FHIT: variants seen among roughly 807,000 people sequenced by gnomAD.
FHIT encodes the protein bis(5'-adenosyl)-triphosphatase.
Under a neutral mutation model 17.9 loss-of-function variants are expected in FHIT, and 19 were observed. The ratio of observed to expected loss-of-function variants is 1.06; its 90% CI spans 0.74 to 1.56. The LOEUF (loss-of-function observed/expected upper bound fraction) is 1.56, where lower values mean the gene tolerates loss of function less well. FHIT is among the 40% of genes most tolerant of loss of function. The pLI is 0.00. For missense variants in FHIT, 248 were observed against 189.2 expected, an observed-to-expected ratio of 1.31 and a Z score of -1.82; for synonymous variants, 81 against 69.7, an observed-to-expected ratio of 1.16 and a Z score of -0.81.
chr3:59,956,584 C>T (rs935017159), intron 7 of FHIT, among the ~76,000 whole-genome samples: 1 of 152,114 alleles, frequency 6.6e-6, no homozygotes, highest in Non-Finnish European at 1.5e-5. Flanking sequence ...AGGAGAATTG[C>T]TTGAACCCGG....
At chr3:61,018,568 TAACAGC>T (rs1365092234) in intron 3 of FHIT, among the ~76,000 whole-genome samples, 1 of 152,120 alleles carries the variant, frequency 6.6e-6, no homozygotes, top group Admixed American at 6.5e-5. Context: ...TGCCCACAAG[TAACAGC>T]CTGTGCAGAA....
rs920568103 is a variant in FHIT, at chr3:60,395,398, C to T, written c.103+141462G>A. 5.9e-5 allele frequency among the ~76,000 whole-genome samples: 9 copies of T among 152,194 alleles called. No individual in the cohort carries two copies. In the South Asian group the frequency reaches 8.3e-4, roughly 14 times the overall value. On this transcript the variant is annotated intron_variant, in intron 5 of 9. Coordinates refer to ENST00000492590, the MANE Select transcript of FHIT (RefSeq NM_002012.4). ...AAAGTTTAAAATCCTTGTTCAAAGG[C>T]ACCCAGCTTTTAGGCGGTATGAATT...
chr3:60,130,319 C>T (rs1392953929), intron 5 of FHIT, among the ~76,000 whole-genome samples: 1 of 152,150 alleles, frequency 6.6e-6, no homozygotes, highest in Non-Finnish European at 1.5e-5. Context: ...TATCAGTTAA[C>T]ATTTATTGTG....
chr3:60,360,004 T>TC (rs145134702), intron 5 of FHIT, among the ~76,000 whole-genome samples: 1 of 150,856 alleles, frequency 6.6e-6, no homozygotes, highest in Non-Finnish European at 1.5e-5. Context: ...TTTCTTTTTT[T>TC]TTTTTTCATT....
At position 60,439,945 on chromosome 3, in the gene FHIT, T is replaced by G. The variant is rs936413025; in HGVS notation, c.103+96915A>C. On this transcript the variant is annotated intron_variant, in intron 5 of 9. Transcript: ENST00000492590. ...TATGTTCATGCTGCGTTCCATCATG[T>G]TTCCAATCCTTTACTCTTTCTCACC... Among the ~76,000 whole-genome samples the G allele has an allele frequency of 3.9e-5, 6 of 152,164 alleles. No individual in the cohort carries two copies. The East Asian group carries it at 1.2e-3, about 30-fold the overall frequency.
intron 5 of FHIT, among the ~76,000 whole-genome samples, chr3:60,388,882 C>T (rs537667910): frequency 1.3e-5 from 2 of 151,990 alleles, no homozygotes; most frequent in Non-Finnish European, 2.9e-5. Flanking sequence ...ACAGAGGGCT[C>T]GTAAAGTTAG....
intron 5 of FHIT, among the ~76,000 whole-genome samples, chr3:60,118,912 T>C (rs1357717266): frequency 6.7e-6 from 1 of 149,814 alleles, no homozygotes; most frequent in Non-Finnish European, 1.5e-5. Flanking sequence ...TCCCAGCTAC[T>C]AGGGAGGCTG....
intron 5 of FHIT, among the ~76,000 whole-genome samples, chr3:60,076,414 T>C (rs1051329781): frequency 5.9e-5 from 9 of 152,102 alleles, no homozygotes; most frequent in Admixed American, 3.3e-4. Context: ...ATTATTCATA[T>C]TGTCTTCCTG....
rs2037407161 is a variant in FHIT at position 60,572,197 on chromosome 3, AAGGCAGTAC to A, written c.-17-35227_-17-35219del. ...AAGTTGATGCAATATCTCCAATATC[AAGGCAGTAC>A]AGACTGCTTTGAAACTGATATTCTT... On this transcript the variant is annotated intron_variant, in intron 4 of 9. Transcript: ENST00000492590. Among the ~76,000 whole-genome samples the A allele has an allele frequency of 2.0e-5, 3 of 152,302 alleles. No individual in the cohort carries two copies. The South Asian group carries it at 6.2e-4, about 32-fold the overall frequency.
intron 5 of FHIT, among the ~76,000 whole-genome samples, chr3:60,512,551 C>T (rs960702214): frequency 2.0e-5 from 3 of 151,832 alleles, no homozygotes; most frequent in African/African-American, 7.3e-5. Flanking sequence ...CATTATCACC[C>T]CACTATATAA....
At chr3:60,555,580 G>A (rs1037609932) in intron 4 of FHIT, among the ~76,000 whole-genome samples, 1 of 152,136 alleles carries the variant, frequency 6.6e-6, no homozygotes, top group Non-Finnish European at 1.5e-5. Flanking sequence ...AATGACAATG[G>A]CAGTTTTCTC....
At chr3:60,487,532 C>G (rs9861820) in intron 5 of FHIT, among the ~76,000 whole-genome samples, 14,642 of 152,182 alleles carry the variant, frequency 0.096, 1,121 homozygotes, top group East Asian at 0.39. Flanking sequence ...ATGGTTTGAA[C>G]AAAATGCAGA....
intron 5 of FHIT, among the ~76,000 whole-genome samples, chr3:60,325,930 T>C (rs921711680): frequency 6.6e-6 from 1 of 152,228 alleles, no homozygotes; most frequent in African/African-American, 2.4e-5. Context: ...ACCGACGTGA[T>C]GGCAGGGATC....
intron 5 of FHIT, among the ~76,000 whole-genome samples, chr3:60,135,283 T>C (rs535953787): frequency 6.6e-5 from 10 of 152,188 alleles, no homozygotes; most frequent in African/African-American, 1.9e-4. Context: ...TAAAATGCCT[T>C]CAGGGACCAG....
intron 7 of FHIT, among the ~76,000 whole-genome samples, chr3:59,932,075 G>T (rs1214655202): frequency 6.6e-6 from 1 of 152,114 alleles, no homozygotes; most frequent in Non-Finnish European, 1.5e-5. Context: ...AGCTCACAAG[G>T]TGGAAATCAT....
rs9851716 is a variant in FHIT, at chr3:60,997,223, G to A, written c.-111+44824C>T. On this transcript the variant is annotated intron_variant, in intron 3 of 9. Transcript: ENST00000492590. Reference sequence around the variant, plus strand: ...CATGTGGCAGAATCCCTGCCCTTGGGTGCCTTACCCTCTCCTTCATACAGC... The same window carrying A: ...CATGTGGCAGAATCCCTGCCCTTGGATGCCTTACCCTCTCCTTCATACAGC... 2.6e-3 allele frequency among the ~76,000 whole-genome samples: 395 copies of A among 152,268 alleles called. 2 individuals carry two copies. Among genetic ancestry groups the A allele is most frequent in the Middle Eastern group, 0.024 (7 of 294 alleles).
At chr3:60,804,630 G>T (rs781925944) in intron 4 of FHIT, among the ~76,000 whole-genome samples, 61 of 152,220 alleles carry the variant, frequency 4.0e-4, no homozygotes, top group Non-Finnish European at 6.2e-4. Flanking sequence ...AAAGCTCTTT[G>T]AGTCTGAGAT....
Position 60,077,729 on chromosome 3 carries a change from C to CACATATATAT in FHIT, c.104-63578_104-63577insATATATATGT, listed in dbSNP as rs1559611496. Among the ~76,000 whole-genome samples the CACATATATAT allele has an allele frequency of 3.5e-3, 236 of 67,226 alleles. 2 individuals carry two copies. Among genetic ancestry groups the CACATATATAT allele is most frequent in the African/African-American group, 0.011 (224 of 20,426 alleles). The allele number at this position is 67,226 out of a possible 152,430, so 44.1% of individuals were successfully genotyped here. A position where few individuals can be genotyped will look rare whatever the true frequency, so the allele number is the denominator to read the frequency against. ...ACACACACACACACACACACACACACATATATAGAGGGGGGGGGGAGGATA... is the reference window on the plus strand; with the variant it reads ...ACACACACACACACACACACACACACACATATATATATATATAGAGGGGGGGGGGAGGATA... On this transcript the variant is annotated intron_variant, in intron 5 of 9. Transcript: ENST00000492590.
At chr3:61,035,980 G>C (rs1009492156) in intron 3 of FHIT, among the ~76,000 whole-genome samples, 1 of 152,172 alleles carries the variant, frequency 6.6e-6, no homozygotes, top group African/African-American at 2.4e-5. Flanking sequence ...AAAATTTAAA[G>C]CTGTATCTAA....
Sources: gnomAD v4.1 joint callset for allele counts (sites outside exome capture counted in the v4.1 genomes callset) on GRCh38, gnomAD v4.1.1 for gene constraint, MANE v1.5 for transcripts, NCBI Gene and HGNC (gene_info 2026-07-23, HGNC 2026-07-21) for gene names.